The following SPOCK3 variants were observed in gnomAD, a reference collection of about 807,000 sequenced individuals.
The protein encoded by SPOCK3 is testican-3.
A neutral mutation model predicts 56.6 loss-of-function variants in SPOCK3; 30 were observed. That is an observed-to-expected ratio of 0.53 (90% CI 0.40 to 0.72). The LOEUF (loss-of-function observed/expected upper bound fraction) is 0.72. Ranked by LOEUF, SPOCK3 falls within the 30% of genes least tolerant of loss-of-function variation. The probability of loss-of-function intolerance (pLI) is 0.00; values close to 1 mark genes in which losing one functional copy is unlikely to be tolerated. For synonymous variants in SPOCK3, 196 were observed against 183.3 expected (o/e 1.07, Z -0.56); for missense variants, 527 against 530.0 (o/e 0.99, Z 0.06).
intron 2 of SPOCK3, among the ~76,000 whole-genome samples, chr4:167,100,987 A>G (rs191185273): frequency 1.3e-5 from 2 of 152,196 alleles, no homozygotes; most frequent in Non-Finnish European, 2.9e-5. Context: ...CCTGGAACCC[A>G]TGCATGGTAA....
At chr4:167,220,272 G>C (rs555515744) in intron 2 of SPOCK3, among the ~76,000 whole-genome samples, 4 of 152,022 alleles carry the variant, frequency 2.6e-5, no homozygotes, top group Non-Finnish European at 5.9e-5. Context: ...AGAAAAGGAG[G>C]GGGTGGTGGC....
At chr4:167,181,541 G>GT (rs1474267154) in intron 2 of SPOCK3, among the ~76,000 whole-genome samples, 1 of 152,052 alleles carries the variant, frequency 6.6e-6, no homozygotes, top group Non-Finnish European at 1.5e-5. Flanking sequence ...CTAAAAAGTT[G>GT]TTTTATGATC....
At chr4:166,788,682 C>CA (rs1741000002) in intron 7 of SPOCK3, among the ~76,000 whole-genome samples, 1 of 151,364 alleles carries the variant, frequency 6.6e-6, no homozygotes. Flanking sequence ...ATTATTATAA[C>CA]AAAAAATTAT....
intron 4 of SPOCK3, among the ~76,000 whole-genome samples, chr4:166,973,725 A>G (rs1745634235): frequency 6.6e-6 from 1 of 152,204 alleles, no homozygotes; most frequent in Admixed American, 6.5e-5. Flanking sequence ...TCGCTAGACA[A>G]AGTGAGTAGT....
intron 3 of SPOCK3, among the ~76,000 whole-genome samples, chr4:167,002,072 C>T (rs1360160338): frequency 6.6e-6 from 1 of 152,094 alleles, no homozygotes; most frequent in East Asian, 1.9e-4. Context: ...GATTCTCCTG[C>T]CTCAGCCTCC....
Position 166,734,642 on chromosome 4 carries a change from T to G in SPOCK3, c.*279A>C. The G allele has an allele frequency of 3.8e-6, 1 of 262,856 alleles. No homozygotes were observed. Among genetic ancestry groups the G allele is most frequent in the Non-Finnish European group, 7.1e-6 (1 of 141,256 alleles). 16.3% of individuals were successfully genotyped at this position (262,856 alleles called of 1,614,324 possible). A position where few individuals can be genotyped will look rare whatever the true frequency, so the allele number is the denominator to read the frequency against. On this transcript the variant is annotated 3_prime_UTR_variant, in exon 11 of 11. Transcript: ENST00000357545. The stretch of plus-strand genomic sequence containing the variant: ...TATGGAAGATTTACAAAGTTTGTTC[T>G]CGTGAAAAACTTATTATAGTAGCAC...
chr4:167,222,499 A>C (rs1455560118), intron 2 of SPOCK3, among the ~76,000 whole-genome samples: 1 of 138,430 alleles, frequency 7.2e-6, no homozygotes, highest in Non-Finnish European at 1.6e-5. Flanking sequence ...TTACATATGA[A>C]TATATGAATA....
chr4:166,997,554 T>C (rs955649679), intron 4 of SPOCK3, among the ~76,000 whole-genome samples: 1 of 152,146 alleles, frequency 6.6e-6, no homozygotes, highest in African/African-American at 2.4e-5. Flanking sequence ...ATTTTACAAA[T>C]GGCAGCTGTT....
intron 4 of SPOCK3, among the ~76,000 whole-genome samples, chr4:166,946,980 C>T (rs1432108545): frequency 1.3e-5 from 2 of 152,144 alleles, no homozygotes; most frequent in Non-Finnish European, 2.9e-5. Flanking sequence ...AATTTGTCAT[C>T]TCTAAGTTAA....
chr4:166,930,279 T>C (rs953963237), intron 4 of SPOCK3, among the ~76,000 whole-genome samples: 2 of 152,252 alleles, frequency 1.3e-5, no homozygotes, highest in East Asian at 3.9e-4. Flanking sequence ...GGAGTAAAGA[T>C]TGAGCCATAA....
intron 2 of SPOCK3, among the ~76,000 whole-genome samples, chr4:167,133,418 C>T (rs1762853011): frequency 1.3e-5 from 2 of 152,140 alleles, no homozygotes; most frequent in South Asian, 4.1e-4. Context: ...GCTTCCGGAA[C>T]TGTAACATAA....
chr4:166,834,849 T>A (rs1746447911), intron 6 of SPOCK3, among the ~76,000 whole-genome samples: 1 of 152,070 alleles, frequency 6.6e-6, no homozygotes, highest in South Asian at 2.1e-4. Flanking sequence ...ATTAGAAAAA[T>A]TTGACTATGT....
At chr4:167,122,104 T>C (rs1330628433) in intron 2 of SPOCK3, among the ~76,000 whole-genome samples, 1 of 145,788 alleles carries the variant, frequency 6.9e-6, no homozygotes, top group African/African-American at 2.7e-5. Flanking sequence ...TTCTTTTCTC[T>C]TCTCTTCTCT....
At chr4:166,909,597 C>T (rs1473932394) in intron 5 of SPOCK3, among the ~76,000 whole-genome samples, 2 of 152,114 alleles carry the variant, frequency 1.3e-5, no homozygotes, top group African/African-American at 4.8e-5. Context: ...CACAGCAAGA[C>T]TGCACTTCCA....
At chr4:166,850,224 C>A (rs1376095758) in intron 6 of SPOCK3, among the ~76,000 whole-genome samples, 1 of 152,174 alleles carries the variant, frequency 6.6e-6, no homozygotes, top group African/African-American at 2.4e-5. Context: ...GTACCAATTT[C>A]TCTGCATCTT....
intron 2 of SPOCK3, among the ~76,000 whole-genome samples, chr4:167,145,779 C>T (rs940282735): frequency 6.6e-6 from 1 of 152,064 alleles, no homozygotes; most frequent in South Asian, 2.1e-4. Flanking sequence ...TTGTCACCAC[C>T]AGGCATGCCT....
At chr4:166,750,606 A>G (rs1252549919) in intron 8 of SPOCK3, among the ~76,000 whole-genome samples, 5 of 152,168 alleles carry the variant, frequency 3.3e-5, no homozygotes, top group African/African-American at 1.2e-4. Context: ...TGAATATAAA[A>G]TTGTTGATTG....
In SPOCK3 at chr4:166,850,736, G is replaced by A. The variant is rs572970786; in HGVS notation, c.589+38394C>T. Among the ~76,000 whole-genome samples, 28 of 152,326 alleles carry A rather than the reference G, an allele frequency of 1.8e-4. No homozygotes were observed. In the East Asian group the frequency reaches 2.3e-3, roughly 13 times the overall value. On this transcript the variant is annotated intron_variant, in intron 6 of 10. Coordinates refer to ENST00000357545, the MANE Select transcript of SPOCK3 (RefSeq NM_001040159.2). ...GCACCTGGAAAATCGGGTCACTCCC[G>A]CCCGAATACTGCGCTTTTCCGACGG...
intron 4 of SPOCK3, among the ~76,000 whole-genome samples, 176 bp downstream of exon 4, chr4:167,000,173 G>C (rs1299246966): frequency 7.9e-5 from 12 of 152,012 alleles, no homozygotes. Flanking sequence ...TAGTAATTGT[G>C]ACTGATACCA....
Sources: gnomAD v4.1 joint callset for allele counts (sites outside exome capture counted in the v4.1 genomes callset) on GRCh38, gnomAD v4.1.1 for gene constraint, MANE v1.5 for transcripts, NCBI Gene and HGNC (gene_info 2026-07-23, HGNC 2026-07-21) for gene names.